The following ERC2 variants were observed in gnomAD, a reference collection of about 807,000 sequenced individuals.
The protein encoded by ERC2 is ERC protein 2.
Under a neutral mutation model 114.8 loss-of-function variants are expected in ERC2, and 42 were observed. The ratio of observed to expected loss-of-function variants is 0.37; its 90% CI spans 0.29 to 0.47. The LOEUF is 0.47. Among genes scored for constraint, ERC2 ranks in the 20% least tolerant of loss-of-function variants. The pLI is 0.99. For missense variants in ERC2, 939 were observed against 1,150.7 expected (o/e 0.82, Z 2.66); for synonymous variants, 454 against 425.5 (o/e 1.07, Z -0.82).
chr3:56,190,156 T>A (rs2083897373), intron 3 of ERC2, among the ~76,000 whole-genome samples: 1 of 152,302 alleles, frequency 6.6e-6, no homozygotes, highest in Middle Eastern at 3.4e-3. Flanking sequence ...TTTTTTCACA[T>A]CTCTGGTAAC....
chr3:55,888,651 G>A, intron 13 of ERC2, 102 bp from the exon 14 acceptor site: 3 of 1,434,388 alleles, frequency 2.1e-6, no homozygotes, highest in Non-Finnish European at 2.9e-6. Flanking sequence ...GGAATCACAG[G>A]GATCCTTGAA....
chr3:55,739,723 G>A lies in ERC2; in HGVS notation c.2565-4805C>T, dbSNP rs376961050. 8.5e-5 allele frequency among the ~76,000 whole-genome samples: 13 copies of A among 152,214 alleles called. No homozygotes were observed. In the East Asian group the frequency reaches 2.1e-3, roughly 25 times the overall value. On this transcript the variant is annotated intron_variant, in intron 14 of 17. Transcript: ENST00000288221. ...CTGTAGGTTGCCTGTTCACTCTGAC[G>A]ATAGTTTCTTTTGCTGTGCAAAAGC... is the stretch of plus-strand genomic sequence containing the variant.
chr3:55,711,337 G>C (rs2063766979), intron 15 of ERC2, among the ~76,000 whole-genome samples: 1 of 152,156 alleles, frequency 6.6e-6, no homozygotes, highest in African/African-American at 2.4e-5. Flanking sequence ...AAAAAGAAAA[G>C]TAATGTTCTC....
intron 17 of ERC2, among the ~76,000 whole-genome samples, chr3:55,650,565 T>C (rs181921742): frequency 5.3e-5 from 8 of 152,336 alleles, no homozygotes; most frequent in African/African-American, 1.4e-4. Context: ...TTTATCTGCT[T>C]AATTTCTGAC....
At chr3:55,726,093 T>G (rs900120853) in intron 15 of ERC2, among the ~76,000 whole-genome samples, 1 of 152,234 alleles carries the variant, frequency 6.6e-6, no homozygotes, top group Non-Finnish European at 1.5e-5. Flanking sequence ...AAAGACACTT[T>G]GCACTGAAGT....
intron 6 of ERC2, among the ~76,000 whole-genome samples, chr3:56,107,312 C>T (rs1276175532): frequency 1.3e-5 from 2 of 150,638 alleles, no homozygotes; most frequent in Non-Finnish European, 2.9e-5. Flanking sequence ...TACTTGCTAG[C>T]ATAAGAATGC....
rs372896627 is a variant in ERC2 at position 56,032,857 on chromosome 3, AG to A, written c.1642-13827del. 2.9e-4 allele frequency among the ~76,000 whole-genome samples: 23 copies of A among 79,112 alleles called. 1 individual carries two copies. In the East Asian group the frequency reaches 8.4e-3, roughly 29 times the overall value. The allele number at this position is 79,112 out of a possible 152,430, so 51.9% of individuals were successfully genotyped here. The stretch of plus-strand genomic sequence containing the variant: ...TCTGTTGGAAGAACAAAAGAAAGAA[AG>A]GAAAGAAAGAAAGAAAGAAAGAAAG... On this transcript the variant is annotated intron_variant, in intron 7 of 17. Transcript: ENST00000288221.
intron 2 of ERC2, among the ~76,000 whole-genome samples, chr3:56,338,876 A>G (rs763919793): frequency 6.6e-6 from 1 of 152,214 alleles, no homozygotes; most frequent in Non-Finnish European, 1.5e-5. Flanking sequence ...ATGTGGAGGA[A>G]GCATGTCTGC....
chr3:56,062,506 T>C (rs2076284859), intron 7 of ERC2, among the ~76,000 whole-genome samples: 1 of 152,174 alleles, frequency 6.6e-6, no homozygotes, highest in African/African-American at 2.4e-5. Flanking sequence ...TGAAGATGGA[T>C]TTGCACAAAC....
intron 2 of ERC2, among the ~76,000 whole-genome samples, chr3:56,321,811 G>A (rs1448977109): frequency 1.3e-5 from 2 of 152,120 alleles, no homozygotes; most frequent in African/African-American, 4.8e-5. Context: ...GATACTTCAG[G>A]CCTGGTCCCC....
chr3:55,989,624 T>C (rs1310900480), intron 11 of ERC2, among the ~76,000 whole-genome samples: 1 of 152,220 alleles, frequency 6.6e-6, no homozygotes, highest in Non-Finnish European at 1.5e-5. Context: ...ATGGCTCATC[T>C]GTCAGCCCTG....
intron 8 of ERC2, among the ~76,000 whole-genome samples, chr3:56,012,283 C>T (rs2073004628): frequency 6.6e-6 from 1 of 152,168 alleles, no homozygotes; most frequent in South Asian, 2.1e-4. Context: ...CACTACATGG[C>T]TGTTGGAGCG....
intron 14 of ERC2, among the ~76,000 whole-genome samples, chr3:55,876,523 G>A (rs1436536267): frequency 6.6e-6 from 1 of 152,222 alleles, no homozygotes; most frequent in African/African-American, 2.4e-5. Context: ...CCAGAGGGAT[G>A]TTGTGAAGAA....
intron 2 of ERC2, among the ~76,000 whole-genome samples, chr3:56,381,417 C>T (rs779415587): frequency 4.6e-5 from 7 of 152,100 alleles, no homozygotes; most frequent in East Asian, 1.9e-4. Flanking sequence ...GTTAACCCTC[C>T]GTATTGGCAG....
At chr3:56,116,029 T>A (rs2079212978) in intron 6 of ERC2, among the ~76,000 whole-genome samples, 1 of 152,186 alleles carries the variant, frequency 6.6e-6, no homozygotes, top group Non-Finnish European at 1.5e-5. Context: ...GAAACTGCTA[T>A]AAAGGCTCTT....
At chr3:55,892,655 C>T (rs949368111) in intron 13 of ERC2, among the ~76,000 whole-genome samples, 12 of 152,082 alleles carry the variant, frequency 7.9e-5, no homozygotes, top group African/African-American at 2.9e-4. Context: ...AGTCCCACCA[C>T]CTAGAAGTAA....
chr3:56,409,666 T>C (rs1255737859), intron 2 of ERC2, among the ~76,000 whole-genome samples: 1 of 152,004 alleles, frequency 6.6e-6, no homozygotes, highest in Non-Finnish European at 1.5e-5. Flanking sequence ...AAATCATAGC[T>C]AGGATATTTT....
intron 13 of ERC2, among the ~76,000 whole-genome samples, chr3:55,943,959 G>A (rs1367760535): frequency 6.6e-6 from 1 of 152,074 alleles, no homozygotes; most frequent in Non-Finnish European, 1.5e-5. Flanking sequence ...GTTTTCACTG[G>A]AGCTCACAAA....
At chr3:56,299,395 T>A (rs2150365017) in intron 2 of ERC2, among the ~76,000 whole-genome samples, 1 of 151,930 alleles carries the variant, frequency 6.6e-6, no homozygotes, top group South Asian at 2.1e-4. Flanking sequence ...CCCAAAGTGC[T>A]GGGATTACAG....
Sources: allele counts gnomAD v4.1 joint callset (sites outside exome capture counted in the v4.1 genomes callset), GRCh38; gene constraint gnomAD v4.1.1; transcripts MANE v1.5; gene names NCBI Gene and HGNC (gene_info 2026-07-23, HGNC 2026-07-21).